The following COL19A1 variants were observed in gnomAD, a reference collection of about 807,000 sequenced individuals.
COL19A1 encodes the protein collagen type XIX alpha 1 chain.
Under a neutral mutation model 190.2 loss-of-function variants are expected in COL19A1, and 159 were observed. The ratio of observed to expected loss-of-function variants is 0.84; its 90% confidence interval spans 0.73 to 0.95. The LOEUF is 0.95. Among genes scored for constraint, COL19A1 ranks in the 40% least tolerant of loss-of-function variants. COL19A1 has a pLI of 0.00. For missense variants in COL19A1, 1,418 were observed against 1,431.9 expected, an observed-to-expected ratio of 0.99 and a Z score of 0.16; for synonymous variants, 509 against 458.9, an observed-to-expected ratio of 1.11 and a Z score of -1.39.
chr6:70,188,208 AAGGCCCTCC>A lies in COL19A1; in HGVS notation c.2995_3003del (p.Pro999_Gly1001del), dbSNP rs753072893. ...GGCTCCATGGGATCCCCTGGCCACC[AAGGCCCTCC>A]AGGCTCTCCAGGCATCCCTGGCATT... On this transcript the variant is annotated inframe_deletion, in exon 47 of 51. Transcript: ENST00000620364. 2 of 1,612,714 alleles carry A rather than the reference AAGGCCCTCC, an allele frequency of 1.2e-6. No individual in the cohort carries two copies. The highest frequency in any genetic ancestry group is 1.7e-6 in the Non-Finnish European group (2 of 1,179,478).
At chr6:69,914,310 C>A (rs1034997959) in intron 4 of COL19A1, among the ~76,000 whole-genome samples, 23 of 152,180 alleles carry the variant, frequency 1.5e-4, no homozygotes, top group African/African-American at 5.1e-4. Flanking sequence ...TTCAGACAAA[C>A]CCTCTAGGCC....
chr6:70,050,192 GC>G (rs1780132328), intron 14 of COL19A1, among the ~76,000 whole-genome samples: 1 of 151,994 alleles, frequency 6.6e-6, no homozygotes, highest in Non-Finnish European at 1.5e-5. Context: ...TTAGAACAAT[GC>G]CTGGCTTCTA....
chr6:69,985,754 G>C (rs1776276997), intron 11 of COL19A1, among the ~76,000 whole-genome samples: 1 of 151,862 alleles, frequency 6.6e-6, no homozygotes, highest in Non-Finnish European at 1.5e-5. Flanking sequence ...GAAAGTTTAG[G>C]GCATTTAAAA....
intron 41 of COL19A1, among the ~76,000 whole-genome samples, chr6:70,174,440 A>G (rs1398290478): frequency 6.6e-6 from 1 of 152,042 alleles, no homozygotes; most frequent in African/African-American, 2.4e-5. Context: ...GGCACCTGTA[A>G]TCCTAGCTAC....
At chr6:70,103,881 G>A (rs554836908) in intron 16 of COL19A1, among the ~76,000 whole-genome samples, 6 of 152,214 alleles carry the variant, frequency 3.9e-5, no homozygotes, top group Admixed American at 3.9e-4. Context: ...CTAGCCTATA[G>A]CATGTGATTA....
At chr6:70,050,883 A>T (rs1289236688) in intron 14 of COL19A1, among the ~76,000 whole-genome samples, 2 of 152,158 alleles carry the variant, frequency 1.3e-5, no homozygotes, top group African/African-American at 4.8e-5. Flanking sequence ...CAAAAGCTTT[A>T]TATAGCTTAA....
intron 49 of COL19A1, among the ~76,000 whole-genome samples, chr6:70,201,283 C>G (rs1478924290): frequency 6.6e-6 from 1 of 152,158 alleles, no homozygotes; most frequent in African/African-American, 2.4e-5. Flanking sequence ...ACTCAAACAC[C>G]TGGCTTCAGA....
intron 17 of COL19A1, among the ~76,000 whole-genome samples, chr6:70,123,926 A>G (rs1032169471): frequency 6.6e-6 from 1 of 151,566 alleles, no homozygotes; most frequent in Non-Finnish European, 1.5e-5. Context: ...CTAACCTGCA[A>G]TTGTGCACAT....
chr6:70,209,401 G>A lies in COL19A1; in HGVS notation c.*2127G>A, dbSNP rs1768062748. On this transcript the variant is annotated 3_prime_UTR_variant, in exon 51 of 51. Transcript: ENST00000620364. ...GTTTTCATGGACTTTTTTGCTGATG[G>A]TAATCAACTTTTTTTGTTTTTTGGT... 6.6e-6 allele frequency: 1 copy of A among 151,892 alleles called. No homozygotes were observed. Among genetic ancestry groups the A allele is most frequent in the Admixed American group, 6.6e-5 (1 of 15,230 alleles). The allele number at this position is 151,892 out of a possible 1,614,324, so 9.4% of individuals were successfully genotyped here. A position where few individuals can be genotyped will look rare whatever the true frequency, so the allele number is the denominator to read the frequency against.
At chr6:70,024,077 G>T (rs1485775209) in intron 12 of COL19A1, among the ~76,000 whole-genome samples, 1 of 152,060 alleles carries the variant, frequency 6.6e-6, no homozygotes, top group African/African-American at 2.4e-5. Flanking sequence ...TTCAGTGATG[G>T]GAAGAAAGGG....
chr6:70,180,264 C>G, intron 42 of COL19A1, 48 bp from the exon 43 acceptor site: 1 of 1,607,838 alleles, frequency 6.2e-7, no homozygotes, highest in African/African-American at 1.3e-5. Flanking sequence ...CATATGGTGT[C>G]GTTCAGCAAT....
intron 2 of COL19A1, among the ~76,000 whole-genome samples, chr6:69,888,323 A>C (rs924862956): frequency 2.6e-5 from 4 of 152,182 alleles, no homozygotes; most frequent in African/African-American, 7.2e-5. Flanking sequence ...TAGCAAAAAA[A>C]AACTTTACTC....
intron 48 of COL19A1, among the ~76,000 whole-genome samples, chr6:70,193,919 G>A (rs1347774580): frequency 6.6e-6 from 1 of 152,114 alleles, no homozygotes; most frequent in African/African-American, 2.4e-5. Context: ...AAGCTCCAAG[G>A]TCACAATTAC....
At chr6:70,112,928 C>G (rs986375071) in intron 16 of COL19A1, among the ~76,000 whole-genome samples, 3 of 152,162 alleles carry the variant, frequency 2.0e-5, no homozygotes, top group Non-Finnish European at 4.4e-5. Flanking sequence ...GAACACTTTC[C>G]TGGAATACAC....
chr6:70,127,218 G>A (rs776841976), intron 17 of COL19A1, among the ~76,000 whole-genome samples: 7 of 152,206 alleles, frequency 4.6e-5, no homozygotes, highest in Non-Finnish European at 8.8e-5. Context: ...AGGAAGAAGA[G>A]TGACCAACAT....
intron 14 of COL19A1, among the ~76,000 whole-genome samples, chr6:70,066,862 C>A (rs914957680): frequency 1.3e-5 from 2 of 151,954 alleles, no homozygotes; most frequent in East Asian, 1.9e-4. Flanking sequence ...TTATTTCAAA[C>A]CATTTAAGGC....
intron 4 of COL19A1, among the ~76,000 whole-genome samples, chr6:69,915,299 A>G (rs540994501): frequency 6.6e-6 from 1 of 152,322 alleles, no homozygotes; most frequent in East Asian, 1.9e-4. Flanking sequence ...GTCTGCTTCT[A>G]TCTCCCCATA....
At chr6:70,116,065 C>T (rs960118065) in intron 16 of COL19A1, among the ~76,000 whole-genome samples, 9 of 151,938 alleles carry the variant, frequency 5.9e-5, no homozygotes, top group Non-Finnish European at 1.3e-4. Context: ...ATCTAAAGAA[C>T]ATTATTGATT....
rs1038143854 is a variant in COL19A1, at chr6:70,096,739, A to G, written c.1225-5430A>G. 3.3e-5 allele frequency among the ~76,000 whole-genome samples: 5 copies of G among 152,310 alleles called. No homozygotes were observed. In the South Asian group the frequency reaches 6.2e-4, roughly 19 times the overall value. On this transcript the variant is annotated intron_variant, in intron 15 of 50. Transcript: ENST00000620364. ...TCTACAGGATTGCCTGACTTTAAAT[A>G]TGAAATAACAGCTTTAGTTTTAGAG...
Sources: allele counts gnomAD v4.1 joint callset (sites outside exome capture counted in the v4.1 genomes callset), GRCh38; gene constraint gnomAD v4.1.1; transcripts MANE v1.5; gene names NCBI Gene and HGNC (gene_info 2026-07-23, HGNC 2026-07-21).